The following AFF3 variants were observed in gnomAD, a reference collection of about 807,000 sequenced individuals.
The protein encoded by AFF3 is ALF transcription elongation factor 3, also known as AF4/FMR2 family member 3.
Under a neutral mutation model 129.7 loss-of-function variants are expected in AFF3, and 32 were observed. The ratio of observed to expected loss-of-function variants is 0.25; its 90% CI spans 0.19 to 0.33. The LOEUF is 0.33. AFF3 is among the 10% of genes least tolerant of loss of function. The probability of loss-of-function intolerance (pLI) is 1.00; values close to 1 mark genes in which losing one functional copy is unlikely to be tolerated. For synonymous variants in AFF3, 644 were observed against 635.4 expected, an observed-to-expected ratio of 1.01 and a Z score of -0.20; for missense variants, 1,373 against 1,592.0, an observed-to-expected ratio of 0.86 and a Z score of 2.34.
At chr2:99,949,541 A>G (rs1675943399) in intron 7 of AFF3, among the ~76,000 whole-genome samples, 2 of 152,064 alleles carry the variant, frequency 1.3e-5, no homozygotes, top group Non-Finnish European at 2.9e-5. Context: ...GGGAACCCAG[A>G]GCTTGTTTTC....
intron 7 of AFF3, among the ~76,000 whole-genome samples, chr2:99,935,714 C>G (rs1576381459): frequency 1.3e-5 from 2 of 152,322 alleles, no homozygotes; most frequent in East Asian, 3.9e-4. Context: ...CTATTATCTA[C>G]CTGAATACTC....
At chr2:100,140,317 G>A (rs1323756092) in intron 1 of AFF3, among the ~76,000 whole-genome samples, 5 of 152,122 alleles carry the variant, frequency 3.3e-5, no homozygotes, top group African/African-American at 4.8e-5. Flanking sequence ...AAAAATGGTT[G>A]GAATTTAGAA....
chr2:99,729,383 T>C (rs1679621542), intron 10 of AFF3, among the ~76,000 whole-genome samples: 1 of 152,102 alleles, frequency 6.6e-6, no homozygotes, highest in South Asian at 2.1e-4. Context: ...GCAAACAGAA[T>C]AGGTTCTGGC....
chr2:99,563,391 C>T (rs528739999), intron 20 of AFF3, among the ~76,000 whole-genome samples: 261 of 151,646 alleles, frequency 1.7e-3, no homozygotes, highest in Admixed American at 3.2e-3. Context: ...GGGGTTTCAT[C>T]GTATTAGCCA....
In AFF3 at chr2:99,552,501, T is replaced by C. The variant is rs76826168; in HGVS notation, c.3560-906A>G. 4.0e-3 allele frequency among the ~76,000 whole-genome samples: 602 copies of C among 152,302 alleles called. 19 individuals are homozygous for C. The East Asian group carries it at 0.095, about 24-fold the overall frequency. On this transcript the variant is annotated intron_variant, in intron 24 of 24. Transcript: ENST00000672756. ...GCTCTGCTGTCTCAAAATCACAGTT[T>C]AGTGGCTGATAGAGGAAAACACATT...
chr2:100,073,215 G>T (rs930106038), intron 4 of AFF3, among the ~76,000 whole-genome samples: 14 of 152,226 alleles, frequency 9.2e-5, no homozygotes, highest in African/African-American at 3.4e-4. Flanking sequence ...ACCTAGTTAA[G>T]ATGAGGTCAC....
At chr2:100,046,485 G>C (rs1685845908) in intron 4 of AFF3, among the ~76,000 whole-genome samples, 2 of 152,202 alleles carry the variant, frequency 1.3e-5, no homozygotes, top group African/African-American at 4.8e-5. Flanking sequence ...GGTTTCGACT[G>C]GCACTGTTGG....
At chr2:99,763,070 C>T in intron 8 of AFF3, among the ~76,000 whole-genome samples, 2 of 152,370 alleles carry the variant, frequency 1.3e-5, no homozygotes, top group South Asian at 4.1e-4. Context: ...CCCTACGGGC[C>T]TGTACCTGGG....
chr2:100,018,037 T>C (rs951922722), intron 4 of AFF3, among the ~76,000 whole-genome samples: 1 of 151,888 alleles, frequency 6.6e-6, no homozygotes. Context: ...TGTGTGTATA[T>C]ATATATATAG....
chr2:100,025,764 T>C (rs1683985092), intron 4 of AFF3, among the ~76,000 whole-genome samples: 2 of 152,208 alleles, frequency 1.3e-5, no homozygotes, highest in Non-Finnish European at 2.9e-5. Context: ...AGCCAACTGA[T>C]CTTCAACAAA....
rs1204790397 is a variant in AFF3, at chr2:99,925,974, TG to T, written c.873+80657del. ...TATAAGCTGATGTCCCTTGCAACTG[TG>T]TAGTCTTTGCAGGCATTTTGATTAA... On this transcript the variant is annotated intron_variant, in intron 7 of 24. Coordinates refer to ENST00000672756, the MANE Select transcript of AFF3 (RefSeq NM_001386135.1). 6.6e-5 allele frequency among the ~76,000 whole-genome samples: 10 copies of T among 152,332 alleles called. No homozygotes were observed. In the East Asian group the frequency reaches 1.9e-3, roughly 29 times the overall value.
At chr2:99,906,450 G>A (rs1694723752) in intron 7 of AFF3, among the ~76,000 whole-genome samples, 1 of 152,132 alleles carries the variant, frequency 6.6e-6, no homozygotes, top group Admixed American at 6.5e-5. Flanking sequence ...AGTTCTATAT[G>A]TCAATGAGGC....
At chr2:99,772,025 C>A (rs1446507599) in intron 8 of AFF3, among the ~76,000 whole-genome samples, 1 of 152,242 alleles carries the variant, frequency 6.6e-6, no homozygotes, top group African/African-American at 2.4e-5. Flanking sequence ...ATGCAATCGA[C>A]ATGCGGTATT....
chr2:99,654,546 T>C (rs560258481), intron 12 of AFF3, among the ~76,000 whole-genome samples: 7 of 152,252 alleles, frequency 4.6e-5, no homozygotes, highest in Non-Finnish European at 7.3e-5. Context: ...ACTAGATGAA[T>C]TGCCCAATTT....
intron 14 of AFF3, among the ~76,000 whole-genome samples, chr2:99,600,599 A>T (rs1432452863): frequency 6.6e-6 from 1 of 152,180 alleles, no homozygotes; most frequent in Non-Finnish European, 1.5e-5. Context: ...TGTAAGTAAA[A>T]AATTAAACCT....
chr2:99,696,421 A>AT (rs1286623597), intron 11 of AFF3, among the ~76,000 whole-genome samples: 1 of 152,196 alleles, frequency 6.6e-6, no homozygotes, highest in African/African-American at 2.4e-5. Context: ...TCTGCATTTA[A>AT]TATTTGCAAA....
chr2:100,005,321 C>T (rs1370801440), intron 7 of AFF3, among the ~76,000 whole-genome samples: 1 of 152,176 alleles, frequency 6.6e-6, no homozygotes, highest in East Asian at 1.9e-4. Context: ...CCTAATAAAT[C>T]TGAAGTTTCT....
At chr2:99,994,733 T>G (rs975332286) in intron 7 of AFF3, among the ~76,000 whole-genome samples, 1 of 152,198 alleles carries the variant, frequency 6.6e-6, no homozygotes. Context: ...AGAGGTCTGA[T>G]AAGTGGATGG....
At chr2:99,849,277 T>A (rs1208170636) in intron 7 of AFF3, among the ~76,000 whole-genome samples, 1 of 152,160 alleles carries the variant, frequency 6.6e-6, no homozygotes, top group Non-Finnish European at 1.5e-5. Context: ...TTGGAGGGAC[T>A]GGCAGATACA....
Sources: gnomAD v4.1 joint callset for allele counts (sites outside exome capture counted in the v4.1 genomes callset) on GRCh38, gnomAD v4.1.1 for gene constraint, MANE v1.5 for transcripts, NCBI Gene and HGNC (gene_info 2026-07-23, HGNC 2026-07-21) for gene names.